Variants in PCBP2 observed in about 807,000 individuals in gnomAD.
The protein encoded by PCBP2 is poly(rC) binding protein 2, also known as poly(rC)-binding protein 2.
PCBP2 carries 4 observed loss-of-function variants against 50.1 expected under a neutral mutation model. That is an observed-to-expected ratio of 0.08 (90% confidence interval 0.04 to 0.18). PCBP2 has a LOEUF of 0.18. PCBP2 is among the 10% of genes least tolerant of loss of function. PCBP2 has a pLI of 1.00. For synonymous variants in PCBP2, 179 were observed against 168.0 expected (o/e 1.07, Z -0.51); for missense variants, 161 against 474.3 (o/e 0.34, Z 6.14).
intron 14 of PCBP2, 60 bp from the exon 15 acceptor site, chr12:53,479,346 A>G (rs1020530152): frequency 2.1e-5 from 30 of 1,405,654 alleles, no homozygotes; most frequent in Non-Finnish European, 2.8e-5. Context: ...TGAACCAGGT[A>G]GAGATGAGGT....
chr12:53,477,910 GA>G (rs1942741777), intron 14 of PCBP2, among the ~76,000 whole-genome samples: 2 of 152,204 alleles, frequency 1.3e-5, no homozygotes, highest in South Asian at 2.1e-4. Flanking sequence ...AAAATCTTAT[GA>G]AATAACTTAT....
intron 1 of PCBP2, among the ~76,000 whole-genome samples, chr12:53,452,614 C>T (rs547494366): frequency 1.3e-4 from 19 of 151,350 alleles, no homozygotes; most frequent in African/African-American, 1.5e-4. Flanking sequence ...GTGGCGGCTG[C>T]GCAGGAGTCA....
chr12:53,472,473 T>A (rs1184685130), intron 14 of PCBP2, among the ~76,000 whole-genome samples: 1 of 152,232 alleles, frequency 6.6e-6, no homozygotes, highest in Non-Finnish European at 1.5e-5. Flanking sequence ...AGGACACTGT[T>A]CACAGTCAAA....
intron 10 of PCBP2, among the ~76,000 whole-genome samples, chr12:53,466,443 T>C (rs1210340936): frequency 2.0e-5 from 3 of 152,208 alleles, no homozygotes; most frequent in African/African-American, 4.8e-5. Context: ...CAGAGAGGGA[T>C]AGGAACCTGA....
intron 9 of PCBP2, 66 bp downstream of exon 9, chr12:53,464,918 C>T (rs1419198380): frequency 1.3e-6 from 2 of 1,503,002 alleles, no homozygotes; most frequent in African/African-American, 1.4e-5. Flanking sequence ...ACTGCCAACA[C>T]ACGGGGGGCC....
At chr12:53,456,915 TA>T (rs1424257840) in intron 5 of PCBP2, among the ~76,000 whole-genome samples, 1 of 146,364 alleles carries the variant, frequency 6.8e-6, no homozygotes, top group Non-Finnish European at 1.5e-5. Context: ...CATGAAATCT[TA>T]TCTTTGCCAA....
chr12:53,455,656 T>C (rs376204288), intron 4 of PCBP2, among the ~76,000 whole-genome samples, 163 bp downstream of exon 4: 14 of 152,242 alleles, frequency 9.2e-5, no homozygotes, highest in African/African-American at 2.2e-4. Context: ...ATTTTTTTTT[T>C]CCCCTTTTTG....
rs1055806273 is a variant in PCBP2, at chr12:53,479,789, G to A, written c.*347G>A. 5.7e-6 allele frequency: 1 copy of A among 176,438 alleles called. No homozygotes were observed. Among genetic ancestry groups the A allele is most frequent in the African/African-American group, 2.4e-5 (1 of 41,636 alleles). 10.9% of individuals were successfully genotyped at this position (176,438 alleles called of 1,614,324 possible). ...AATTTTTCAAAAAAATTAAAAGATG[G>A]ACTGGAGCTTTTTCTTTGTGAATAG... On this transcript the variant is annotated 3_prime_UTR_variant, in exon 15 of 15. Transcript: ENST00000546463.
intron 14 of PCBP2, among the ~76,000 whole-genome samples, chr12:53,477,370 A>C (rs1942660161): frequency 6.6e-6 from 1 of 152,038 alleles, no homozygotes; most frequent in African/African-American, 2.4e-5. Context: ...CCCTTTTAAG[A>C]ACTAAATATC....
chr12:53,462,388 A>G (rs2137052668), intron 7 of PCBP2, 105 bp from the exon 8 acceptor site: 1 of 816,674 alleles, frequency 1.2e-6, no homozygotes, highest in Non-Finnish European at 1.9e-6. Flanking sequence ...AAGGGGATGG[A>G]AATAGTTTTT....
In PCBP2 at chr12:53,459,304, T is replaced by A. The variant is rs1451760363; in HGVS notation, c.276T>A (p.Ala92=). 6.2e-7 allele frequency: 1 copy of A among 1,613,140 alleles called. No homozygotes were observed. Among genetic ancestry groups the A allele is most frequent in the Non-Finnish European group, 8.5e-7 (1 of 1,179,488 alleles). ...DISSSMTNST[A]ASRPPVTLRL... is the part of the protein sequence containing the mutation. ...GCAGCTCTATGACCAATAGCACAGCTGCCAGTAGACCCCCGGTCACCCTGA... is the reference window on the plus strand; with the variant it reads ...GCAGCTCTATGACCAATAGCACAGCAGCCAGTAGACCCCCGGTCACCCTGA... The change falls in exon 6 of 15, where the codon GCT becomes GCA. Residue 92 remains alanine (A), a synonymous_variant. Coordinates refer to ENST00000546463, the MANE Select transcript of PCBP2 (RefSeq NM_031989.5).
At chr12:53,459,220 C>T (rs1348422486) in intron 5 of PCBP2, 52 bp from the exon 6 acceptor site, 12 of 1,511,292 alleles carry the variant, frequency 7.9e-6, no homozygotes, top group Non-Finnish European at 9.8e-6. Flanking sequence ...TCTTTAATGG[C>T]AGTTACTAGT....
At chr12:53,477,273 C>T (rs1051935741) in intron 14 of PCBP2, among the ~76,000 whole-genome samples, 3 of 152,118 alleles carry the variant, frequency 2.0e-5, no homozygotes, top group African/African-American at 7.2e-5. Flanking sequence ...TTTCTTAGAC[C>T]TTCAGTTCTT....
At chr12:53,475,644 G>A (rs147541888) in intron 14 of PCBP2, 52 of 167,706 alleles carry the variant, frequency 3.1e-4, no homozygotes, top group Non-Finnish European at 5.5e-4. Flanking sequence ...AGTTGGCGCA[G>A]TAAGAACCTT....
At chr12:53,467,589 T>TGCCCCCTTGATCTGATCAGC (rs1941908979) in intron 11 of PCBP2, 1 of 616,922 alleles carries the variant, frequency 1.6e-6, no homozygotes, top group African/African-American at 1.8e-5. Context: ...TCCTGACTGC[T>TGCCCCCTTGATCTGATCAGC]GCCCCCTTGA....
intron 9 of PCBP2, chr12:53,465,091 C>T (rs958866114): frequency 5.4e-6 from 2 of 369,578 alleles, no homozygotes; most frequent in East Asian, 4.3e-5. Context: ...CTTCCCCTCT[C>T]CCACTCCTCC....
At chr12:53,468,712 A>G in intron 12 of PCBP2, 65 bp from the exon 13 acceptor site, 2 of 1,166,380 alleles carry the variant, frequency 1.7e-6, no homozygotes, top group Non-Finnish European at 2.6e-6. Context: ...TGTTAGTTTA[A>G]TGTGCAAGTC....
chr12:53,478,025 ACTTT>A (rs1415067792), intron 14 of PCBP2, among the ~76,000 whole-genome samples: 1 of 152,192 alleles, frequency 6.6e-6, no homozygotes, highest in Non-Finnish European at 1.5e-5. Context: ...GTACTTAAAT[ACTTT>A]TCCCTGAAAG....
intron 5 of PCBP2, among the ~76,000 whole-genome samples, chr12:53,458,924 G>C (rs897825592): frequency 3.3e-5 from 5 of 152,158 alleles, no homozygotes; most frequent in Non-Finnish European, 7.4e-5. Context: ...ACAAGCTTGA[G>C]CTACCGTGCC....
Sources: allele counts gnomAD v4.1 joint callset (sites outside exome capture counted in the v4.1 genomes callset), GRCh38; gene constraint gnomAD v4.1.1; transcripts MANE v1.5; gene names NCBI Gene and HGNC (gene_info 2026-07-23, HGNC 2026-07-21).